Variants in GRM7 observed in about 807,000 individuals in gnomAD.
GRM7 encodes the protein metabotropic glutamate receptor 7.
In GRM7, 35 loss-of-function variants were observed where a neutral mutation model predicts 84.5. The observed-to-expected ratio is 0.41, with a 90% CI of 0.32 to 0.55. GRM7 has a LOEUF of 0.55. Among genes scored for constraint, GRM7 ranks in the 20% least tolerant of loss-of-function variants. The pLI is 0.19. For missense variants in GRM7, 1,003 were observed against 1,194.6 expected (o/e 0.84, Z 2.36); for synonymous variants, 487 against 455.1 (o/e 1.07, Z -0.89).
chr3:7,410,161 T>G (rs1695864229), intron 4 of GRM7, among the ~76,000 whole-genome samples: 1 of 152,134 alleles, frequency 6.6e-6, no homozygotes, highest in African/African-American at 2.4e-5. Flanking sequence ...AAAAGGAATA[T>G]CTATTTTGTG....
chr3:7,410,662 A>ACACACACACG (rs1695896673), intron 4 of GRM7, among the ~76,000 whole-genome samples: 2 of 151,454 alleles, frequency 1.3e-5, no homozygotes, highest in African/African-American at 4.9e-5. Context: ...ACCACCACAC[A>ACACACACACG]CACACACACA....
At chr3:7,343,115 G>A (rs1350917801) in intron 4 of GRM7, among the ~76,000 whole-genome samples, 1 of 152,074 alleles carries the variant, frequency 6.6e-6, no homozygotes, top group African/African-American at 2.4e-5. Context: ...TCAGTGTATT[G>A]GGATTCAACA....
intron 1 of GRM7, among the ~76,000 whole-genome samples, chr3:7,013,918 T>A (rs111617994): frequency 0.018 from 2,678 of 152,348 alleles, 79 homozygotes; most frequent in African/African-American, 0.06. Context: ...TCATTTTGCG[T>A]AAATTTTTTC....
At chr3:7,454,793 T>C (rs1394462992) in intron 6 of GRM7, among the ~76,000 whole-genome samples, 1 of 152,126 alleles carries the variant, frequency 6.6e-6, no homozygotes, top group Non-Finnish European at 1.5e-5. Flanking sequence ...ATACATGCAA[T>C]GGGTAAATAT....
At chr3:6,986,415 A>C (rs1390515861) in intron 1 of GRM7, among the ~76,000 whole-genome samples, 1 of 152,206 alleles carries the variant, frequency 6.6e-6, no homozygotes, top group Non-Finnish European at 1.5e-5. Flanking sequence ...AATAATGAAC[A>C]TTGAAAAACA....
chr3:6,896,808 A>T (rs753704276), intron 1 of GRM7, among the ~76,000 whole-genome samples: 8 of 152,036 alleles, frequency 5.3e-5, no homozygotes, highest in Non-Finnish European at 1.2e-4. Flanking sequence ...TTCTTTCTTG[A>T]ATTCTTAGTC....
chr3:6,962,658 A>G (rs949466358), intron 1 of GRM7, among the ~76,000 whole-genome samples: 6 of 152,202 alleles, frequency 3.9e-5, no homozygotes, highest in Non-Finnish European at 8.8e-5. Context: ...AGTTAGTGTA[A>G]GTAGTTTGTT....
At chr3:7,455,496 T>C (rs912493141) in intron 6 of GRM7, among the ~76,000 whole-genome samples, 1 of 152,170 alleles carries the variant, frequency 6.6e-6, no homozygotes, top group African/African-American at 2.4e-5. Context: ...GAACATTGTG[T>C]GCCTTTTGAT....
chr3:7,460,419 C>T (rs1698198753), intron 6 of GRM7, among the ~76,000 whole-genome samples: 2 of 151,842 alleles, frequency 1.3e-5, no homozygotes, highest in Non-Finnish European at 2.9e-5. Context: ...AAACAGCAAG[C>T]TGGGGCTCAC....
chr3:7,129,209 T>G lies in GRM7; in HGVS notation c.520-17243T>G, dbSNP rs140546752. On this transcript the variant is annotated intron_variant, in intron 1 of 9. Coordinates refer to ENST00000357716, the MANE Select transcript of GRM7 (RefSeq NM_000844.4). ...TTTGCTACCTGTGATCAACAAACAA[T>G]TGATATCCTACTAGAGAATTATTGC... Among the ~76,000 whole-genome samples, 78 of 152,326 alleles carry G rather than the reference T, an allele frequency of 5.1e-4. No individual in the cohort carries two copies. The East Asian group carries it at 0.015, about 29-fold the overall frequency.
chr3:7,329,109 A>G (rs924138232), intron 4 of GRM7, among the ~76,000 whole-genome samples: 2 of 151,940 alleles, frequency 1.3e-5, no homozygotes, highest in African/African-American at 4.8e-5. Flanking sequence ...AGTGTTAATC[A>G]TAACCTGCCT....
intron 7 of GRM7, among the ~76,000 whole-genome samples, chr3:7,526,782 A>C (rs1001586210): frequency 9.2e-5 from 14 of 152,012 alleles, no homozygotes; most frequent in Non-Finnish European, 1.9e-4. Context: ...TTGAATAGGA[A>C]GTCCTTTCCC....
intron 1 of GRM7, among the ~76,000 whole-genome samples, chr3:6,885,945 G>C (rs1337428648): frequency 6.6e-6 from 1 of 152,168 alleles, no homozygotes; most frequent in Non-Finnish European, 1.5e-5. Context: ...GTTAGTTTGA[G>C]TTTCTTTTCA....
chr3:6,967,145 C>T (rs1693552174), intron 1 of GRM7, among the ~76,000 whole-genome samples: 2 of 152,080 alleles, frequency 1.3e-5, no homozygotes, highest in African/African-American at 4.8e-5. Context: ...TTTGAGTTGC[C>T]AAACTATAGT....
chr3:7,433,673 C>G lies in GRM7; in HGVS notation c.1174+18510C>G, dbSNP rs576860375. 1.5e-3 allele frequency among the ~76,000 whole-genome samples: 222 copies of G among 152,290 alleles called. 4 individuals carry two copies. The South Asian group carries it at 0.019, about 13-fold the overall frequency. Reference sequence around the variant, plus strand: ...ATCTTTTCCAATCTCTTCTGCTGAGCAGTTTTCTTCCAGGACTATTCTTGA... The same window carrying G: ...ATCTTTTCCAATCTCTTCTGCTGAGGAGTTTTCTTCCAGGACTATTCTTGA... On this transcript the variant is annotated intron_variant, in intron 5 of 9. Coordinates refer to ENST00000357716, the MANE Select transcript of GRM7 (RefSeq NM_000844.4).
intron 1 of GRM7, among the ~76,000 whole-genome samples, chr3:6,930,379 G>T (rs912009282): frequency 1.3e-5 from 2 of 152,118 alleles, no homozygotes; most frequent in Non-Finnish European, 1.5e-5. Flanking sequence ...GTAGGCAAGA[G>T]GTCAAACGAT....
chr3:6,959,379 A>C (rs977247814), intron 1 of GRM7, among the ~76,000 whole-genome samples: 1 of 152,126 alleles, frequency 6.6e-6, no homozygotes, highest in Non-Finnish European at 1.5e-5. Flanking sequence ...TTTTTCCTTC[A>C]AATTTGGAAT....
At chr3:7,313,627 G>A (rs1225787563) in intron 4 of GRM7, among the ~76,000 whole-genome samples, 2 of 152,060 alleles carry the variant, frequency 1.3e-5, no homozygotes, top group East Asian at 1.9e-4. Flanking sequence ...TTAAAAATAA[G>A]GAGTATAAGT....
chr3:7,368,767 C>T (rs181339930), intron 4 of GRM7, among the ~76,000 whole-genome samples: 25 of 152,196 alleles, frequency 1.6e-4, no homozygotes, highest in Admixed American at 1.6e-3. Flanking sequence ...GTATAGTAGT[C>T]CCTTAATCTC....
Sources: gnomAD v4.1 joint callset for allele counts (sites outside exome capture counted in the v4.1 genomes callset) on GRCh38, gnomAD v4.1.1 for gene constraint, MANE v1.5 for transcripts, NCBI Gene and HGNC (gene_info 2026-07-23, HGNC 2026-07-21) for gene names.